Variants in DPYD observed in about 807,000 individuals in gnomAD.
DPYD encodes the protein dihydropyrimidine dehydrogenase.
DPYD carries 109 observed loss-of-function variants against 116.2 expected under a neutral mutation model. The ratio of observed to expected loss-of-function variants is 0.94; its 90% CI spans 0.80 to 1.10. The LOEUF (loss-of-function observed/expected upper bound fraction) is 1.10, where lower values mean the gene tolerates loss of function less well. Among genes scored for constraint, DPYD ranks in the 50% least tolerant of loss-of-function variants. DPYD has a pLI of 0.00. For synonymous variants in DPYD, 440 were observed against 432.0 expected, an observed-to-expected ratio of 1.02 and a Z score of -0.23; for missense variants, 1,302 against 1,254.5, an observed-to-expected ratio of 1.04 and a Z score of -0.57.
At chr1:97,241,095 T>C (rs949900551) in intron 18 of DPYD, among the ~76,000 whole-genome samples, 3 of 152,094 alleles carry the variant, frequency 2.0e-5, no homozygotes, top group African/African-American at 7.2e-5. Context: ...TTTAGTTGAA[T>C]TTTTTATGTT....
chr1:97,380,696 T>C (rs1671906772), intron 15 of DPYD, among the ~76,000 whole-genome samples: 1 of 152,208 alleles, frequency 6.6e-6, no homozygotes, highest in South Asian at 2.1e-4. Context: ...GTGTCTCTGA[T>C]TTCTTACATC....
chr1:97,579,760 C>T (rs1195204057), intron 10 of DPYD, among the ~76,000 whole-genome samples: 1 of 152,202 alleles, frequency 6.6e-6, no homozygotes, highest in Non-Finnish European at 1.5e-5. Context: ...ATCAAGCAAA[C>T]ATGCCAACCT....
intron 4 of DPYD, among the ~76,000 whole-genome samples, chr1:97,730,562 A>G (rs1013678657): frequency 2.0e-5 from 3 of 152,228 alleles, no homozygotes; most frequent in African/African-American, 7.2e-5. Context: ...ATCTCTATAA[A>G]AGGCAAAAAT....
chr1:97,146,997 A>G (rs535641964), intron 20 of DPYD, among the ~76,000 whole-genome samples: 2 of 152,320 alleles, frequency 1.3e-5, no homozygotes, highest in Admixed American at 6.5e-5. Flanking sequence ...GGAGGAGAGC[A>G]TGTTTGAAAA....
chr1:97,114,655 C>T (rs17471577), intron 20 of DPYD, among the ~76,000 whole-genome samples: 4,971 of 152,118 alleles, frequency 0.033, 121 homozygotes, highest in Non-Finnish European at 0.053. Context: ...GAAAGATACA[C>T]AGGACAGTGT....
chr1:97,535,142 C>T (rs549271982), intron 12 of DPYD, among the ~76,000 whole-genome samples: 1 of 152,224 alleles, frequency 6.6e-6, no homozygotes, highest in Non-Finnish European at 1.5e-5. Flanking sequence ...GACTGCTTGA[C>T]TTTCAGGATG....
Position 97,720,975 on chromosome 1 carries a change from A to G in DPYD, c.483+535T>C, listed in dbSNP as rs372013632. On this transcript the variant is annotated intron_variant, in intron 5 of 22. Transcript: ENST00000370192. Reference sequence around the variant, plus strand: ...GTGCTCTCATTTTATTTCCTTATACATTTTTTACCCAAATAAAAGACCTGC... The same window carrying G: ...GTGCTCTCATTTTATTTCCTTATACGTTTTTTACCCAAATAAAAGACCTGC... The G allele has an allele frequency of 1.1e-5, 18 of 1,591,714 alleles. No homozygotes were observed. The African/African-American group carries it at 2.4e-4, about 22-fold the overall frequency.
intron 8 of DPYD, among the ~76,000 whole-genome samples, chr1:97,656,506 T>C (rs1222264221): frequency 2.0e-5 from 3 of 152,208 alleles, no homozygotes; most frequent in Non-Finnish European, 2.9e-5. Flanking sequence ...GTACACATTA[T>C]GATACTTCTC....
At chr1:97,713,055 A>T (rs1170850909) in intron 5 of DPYD, among the ~76,000 whole-genome samples, 2 of 151,654 alleles carry the variant, frequency 1.3e-5, no homozygotes, top group African/African-American at 2.4e-5. Context: ...TCACCTCTTA[A>T]TTTTTTTTCT....
chr1:97,221,131 C>A (rs1367519937), intron 19 of DPYD, among the ~76,000 whole-genome samples: 1 of 152,118 alleles, frequency 6.6e-6, no homozygotes, highest in African/African-American at 2.4e-5. Flanking sequence ...ACAAATATCT[C>A]ACTTATAAAA....
intron 12 of DPYD, 100 bp downstream of exon 12, chr1:97,549,460 T>C: frequency 7.7e-7 from 1 of 1,297,980 alleles, no homozygotes; most frequent in Non-Finnish European, 1.1e-6. Flanking sequence ...ATATGCTTAT[T>C]ATATACCAAA....
At position 97,547,102 on chromosome 1, in the gene DPYD, T is replaced by C. The variant is rs1047627664; in HGVS notation, c.1524+2458A>G. On this transcript the variant is annotated intron_variant, in intron 12 of 22. Coordinates refer to ENST00000370192, the MANE Select transcript of DPYD (RefSeq NM_000110.4). Reference sequence around the variant, plus strand: ...TTTTACTCTAGAAATGGGTGCATAATATAACTAGGCAGTGGCAGTGCCTTG... The same window carrying C: ...TTTTACTCTAGAAATGGGTGCATAACATAACTAGGCAGTGGCAGTGCCTTG... 11 of 820,348 alleles carry C rather than the reference T, an allele frequency of 1.3e-5. No individual in the cohort carries two copies. In the Admixed American group the frequency reaches 1.9e-4, roughly 14 times the overall value. The allele number at this position is 820,348 out of a possible 1,614,324, so 50.8% of individuals were successfully genotyped here.
chr1:97,913,653 A>G (rs547505612), intron 1 of DPYD, among the ~76,000 whole-genome samples: 1 of 152,314 alleles, frequency 6.6e-6, no homozygotes, highest in African/African-American at 2.4e-5. Context: ...TATAAATTTT[A>G]ACATGCTACA....
intron 3 of DPYD, among the ~76,000 whole-genome samples, chr1:97,825,072 T>A (rs768328251): frequency 2.0e-5 from 3 of 152,188 alleles, no homozygotes; most frequent in Non-Finnish European, 4.4e-5. Flanking sequence ...TCAATTAATG[T>A]ATTTATTTAA....
chr1:97,661,006 C>T (rs1454127698), intron 8 of DPYD, among the ~76,000 whole-genome samples: 1 of 152,106 alleles, frequency 6.6e-6, no homozygotes, highest in Admixed American at 6.6e-5. Context: ...CTCTTCTTCT[C>T]CCTTAAGCCA....
At chr1:97,412,808 T>C (rs1674084063) in intron 14 of DPYD, among the ~76,000 whole-genome samples, 1 of 152,210 alleles carries the variant, frequency 6.6e-6, no homozygotes, top group Admixed American at 6.5e-5. Flanking sequence ...AGACAAATTC[T>C]GGTTCAGAAC....
intron 15 of DPYD, among the ~76,000 whole-genome samples, chr1:97,375,897 ATT>A: frequency 1.3e-5 from 2 of 152,336 alleles, no homozygotes; most frequent in South Asian, 4.1e-4. Context: ...ATTCAACATC[ATT>A]TTGGATTAAA....
intron 13 of DPYD, among the ~76,000 whole-genome samples, chr1:97,466,343 T>A (rs1458196653): frequency 6.6e-6 from 1 of 152,200 alleles, no homozygotes; most frequent in East Asian, 1.9e-4. Context: ...GCTTTGCAAA[T>A]CATTAGATGG....
intron 20 of DPYD, among the ~76,000 whole-genome samples, chr1:97,192,474 G>C (rs1658442563): frequency 6.6e-6 from 1 of 152,042 alleles, no homozygotes; most frequent in Admixed American, 6.6e-5. Flanking sequence ...ATAATACAAA[G>C]GAAATACAAA....
Sources: allele counts gnomAD v4.1 joint callset (sites outside exome capture counted in the v4.1 genomes callset), GRCh38; gene constraint gnomAD v4.1.1; transcripts MANE v1.5; gene names NCBI Gene and HGNC (gene_info 2026-07-23, HGNC 2026-07-21).